The following EXOC6B variants were observed in gnomAD, a reference collection of about 807,000 sequenced individuals.
EXOC6B encodes the protein SEC15 homolog B.
Under a neutral mutation model 113.5 loss-of-function variants are expected in EXOC6B, and 54 were observed. The observed-to-expected ratio is 0.48, with a 90% CI of 0.38 to 0.60. The LOEUF (loss-of-function observed/expected upper bound fraction) is 0.60, where lower values mean the gene tolerates loss of function less well. EXOC6B is among the 20% of genes least tolerant of loss of function. EXOC6B has a pLI of 0.00. For missense variants in EXOC6B, 797 were observed against 977.5 expected (o/e 0.82, Z 2.46); for synonymous variants, 357 against 339.0 (o/e 1.05, Z -0.58).
Position 72,226,343 on chromosome 2 carries a change from A to C in EXOC6B, c.2197-42156T>G, listed in dbSNP as rs192755284. On this transcript the variant is annotated intron_variant, in intron 20 of 21. Coordinates refer to ENST00000272427, the MANE Select transcript of EXOC6B (RefSeq NM_015189.3). ...TTCACTGTAATAAAAAACAGATGTT[A>C]ACATTAGGAGAAACTGAGTAAGGGC... 7.7e-4 allele frequency among the ~76,000 whole-genome samples: 117 copies of C among 152,352 alleles called. 1 individual carries two copies. Among genetic ancestry groups the C allele is most frequent in the African/African-American group, 2.7e-3 (113 of 41,600 alleles).
At chr2:72,288,324 A>G (rs1483964447) in intron 20 of EXOC6B, among the ~76,000 whole-genome samples, 1 of 152,148 alleles carries the variant, frequency 6.6e-6, no homozygotes, top group African/African-American at 2.4e-5. Flanking sequence ...CTGCAATCCT[A>G]GGTACATATC....
chr2:72,439,050 T>TA (rs1429832233), intron 18 of EXOC6B, among the ~76,000 whole-genome samples: 2 of 152,228 alleles, frequency 1.3e-5, no homozygotes, highest in Non-Finnish European at 2.9e-5. Flanking sequence ...TAGAAGCTGT[T>TA]ACCTTGGGTA....
At chr2:72,609,358 A>C (rs890303118) in intron 6 of EXOC6B, among the ~76,000 whole-genome samples, 1 of 152,166 alleles carries the variant, frequency 6.6e-6, no homozygotes, top group African/African-American at 2.4e-5. Flanking sequence ...ACAAGAGGGA[A>C]AAGGTAGACC....
At chr2:72,540,042 G>A (rs189442736) in intron 8 of EXOC6B, among the ~76,000 whole-genome samples, 1,922 of 146,318 alleles carry the variant, frequency 0.013, 20 homozygotes, top group Non-Finnish European at 0.017. Context: ...GAGAATATGC[G>A]GTGTTTGGTT....
intron 19 of EXOC6B, among the ~76,000 whole-genome samples, chr2:72,337,732 A>G (rs1324140763): frequency 2.6e-5 from 4 of 152,200 alleles, no homozygotes; most frequent in Non-Finnish European, 5.9e-5. Context: ...TAATTTTCAC[A>G]TATAGTTTAT....
intron 20 of EXOC6B, among the ~76,000 whole-genome samples, chr2:72,244,510 G>C (rs1457249999): frequency 6.6e-6 from 1 of 151,526 alleles, no homozygotes; most frequent in Non-Finnish European, 1.5e-5. Flanking sequence ...AGAAAGAAGA[G>C]CATATTAAAT....
intron 2 of EXOC6B, among the ~76,000 whole-genome samples, chr2:72,733,711 G>A (rs1380397774): frequency 1.3e-5 from 2 of 152,046 alleles, no homozygotes; most frequent in Non-Finnish European, 2.9e-5. Context: ...ATTATATAAA[G>A]GAAATGGCAT....
chr2:72,590,689 A>C (rs987975056), intron 6 of EXOC6B, among the ~76,000 whole-genome samples: 5 of 151,968 alleles, frequency 3.3e-5, no homozygotes, highest in Non-Finnish European at 7.4e-5. Context: ...TTTATCAATA[A>C]CTTCTGCTAA....
chr2:72,595,278 T>C (rs909914506), intron 6 of EXOC6B, among the ~76,000 whole-genome samples: 2 of 146,342 alleles, frequency 1.4e-5, no homozygotes, highest in African/African-American at 5.0e-5. Flanking sequence ...TATATATAGA[T>C]ATATAGATAT....
chr2:72,731,298 T>C, intron 3 of EXOC6B, 53 bp from the exon 4 acceptor site: 2 of 1,386,782 alleles, frequency 1.4e-6, no homozygotes, highest in Non-Finnish European at 2.0e-6. Flanking sequence ...AATAAAAAGC[T>C]TTCAGTCACA....
chr2:72,443,037 GAC>G (rs1696308021), intron 18 of EXOC6B, among the ~76,000 whole-genome samples: 1 of 152,032 alleles, frequency 6.6e-6, no homozygotes, highest in African/African-American at 2.4e-5. Flanking sequence ...TACAAGAAAA[GAC>G]ACATAGGCAG....
chr2:72,558,102 C>A lies in EXOC6B; in HGVS notation c.915+1351G>T, dbSNP rs775789490. Among the ~76,000 whole-genome samples the A allele has an allele frequency of 5.9e-5, 9 of 151,844 alleles. 1 individual carries two copies. The highest frequency in any genetic ancestry group is 1.2e-4 in the Non-Finnish European group (8 of 67,984). Reference sequence around the variant, plus strand: ...TGCAATATTAAATTCAATTCTAATGCCTCTCCACTGTTACATGATTCTAGT... The same window carrying A: ...TGCAATATTAAATTCAATTCTAATGACTCTCCACTGTTACATGATTCTAGT... On this transcript the variant is annotated intron_variant, in intron 8 of 21. Transcript: ENST00000272427.
At chr2:72,312,485 A>AT (rs1211046287) in intron 20 of EXOC6B, among the ~76,000 whole-genome samples, 2 of 151,990 alleles carry the variant, frequency 1.3e-5, no homozygotes, top group African/African-American at 2.4e-5. Context: ...AAATATAGGA[A>AT]TTTTTTTTGC....
intron 3 of EXOC6B, 84 bp downstream of exon 3, chr2:72,732,987 T>C: frequency 2.1e-6 from 2 of 945,630 alleles, no homozygotes; most frequent in Admixed American, 4.0e-5. Context: ...ACTTACAGTC[T>C]TAACCACTAA....
chr2:72,786,310 G>T (rs1684375329), intron 1 of EXOC6B, among the ~76,000 whole-genome samples: 1 of 152,150 alleles, frequency 6.6e-6, no homozygotes, highest in African/African-American at 2.4e-5. Context: ...TGAAATGATA[G>T]CAAGTACAAA....
intron 20 of EXOC6B, among the ~76,000 whole-genome samples, chr2:72,286,746 A>G (rs1685452411): frequency 6.6e-6 from 1 of 152,184 alleles, no homozygotes; most frequent in African/African-American, 2.4e-5. Context: ...AGAGGGGGCA[A>G]GAAGTACCTA....
rs144681537 is a variant in EXOC6B, at chr2:72,374,670, T to A, written c.2122+5059A>T. On this transcript the variant is annotated intron_variant, in intron 19 of 21. Coordinates refer to ENST00000272427, the MANE Select transcript of EXOC6B (RefSeq NM_015189.3). Reference sequence around the variant, plus strand: ...GTCAAAATAATTTAATGGTACATTTTAAAATAACTAAGAGTATGATTAGAT... The same window carrying A: ...GTCAAAATAATTTAATGGTACATTTAAAAATAACTAAGAGTATGATTAGAT... Among the ~76,000 whole-genome samples the A allele has an allele frequency of 3.8e-3, 581 of 151,942 alleles. 6 individuals carry two copies. Among genetic ancestry groups the A allele is most frequent in the African/African-American group, 0.014 (560 of 41,456 alleles).
At chr2:72,470,992 T>C (rs1366127055) in intron 17 of EXOC6B, among the ~76,000 whole-genome samples, 1 of 152,212 alleles carries the variant, frequency 6.6e-6, no homozygotes, top group Non-Finnish European at 1.5e-5. Flanking sequence ...AGTAATGGGA[T>C]GGCTGGGTCA....
chr2:72,459,651 A>C (rs1038644768), intron 18 of EXOC6B, among the ~76,000 whole-genome samples: 7 of 152,166 alleles, frequency 4.6e-5, no homozygotes, highest in Admixed American at 3.9e-4. Flanking sequence ...CTTACAAGGG[A>C]TGTGAAGGAC....
Sources: allele counts gnomAD v4.1 joint callset (sites outside exome capture counted in the v4.1 genomes callset), GRCh38; gene constraint gnomAD v4.1.1; transcripts MANE v1.5; gene names NCBI Gene and HGNC (gene_info 2026-07-23, HGNC 2026-07-21).